ATP5F1B: variants seen among roughly 807,000 people sequenced by gnomAD.
ATP5F1B encodes ATP synthase F1 subunit beta.
A neutral mutation model predicts 45.9 loss-of-function variants in ATP5F1B; 17 were observed. The observed-to-expected ratio is 0.37, with a 90% CI of 0.25 to 0.56. The LOEUF is 0.56. Ranked by LOEUF, ATP5F1B falls within the 20% of genes least tolerant of loss-of-function variation. The pLI, the probability that ATP5F1B is intolerant of heterozygous loss-of-function variation, is 0.80. For synonymous variants in ATP5F1B, 218 were observed against 256.5 expected (o/e 0.85, Z 1.43); for missense variants, 387 against 673.2 (o/e 0.57, Z 4.70).
chr12:56,641,724 G>GT (rs1951513744), intron 7 of ATP5F1B, among the ~76,000 whole-genome samples: 1 of 151,728 alleles, frequency 6.6e-6, no homozygotes, highest in Admixed American at 6.6e-5. Flanking sequence ...CTAATTTTTT[G>GT]TATTTTTAGT....
At chr12:56,640,302 C>G (rs1951502576) in intron 7 of ATP5F1B, 110 bp from the exon 8 acceptor site, 1 of 873,644 alleles carries the variant, frequency 1.1e-6, no homozygotes, top group South Asian at 1.7e-5. Flanking sequence ...AATCTCGGCT[C>G]ACTGCAACCT....
intron 7 of ATP5F1B, among the ~76,000 whole-genome samples, chr12:56,640,964 G>T (rs1951507688): frequency 6.6e-6 from 1 of 151,486 alleles, no homozygotes; most frequent in Non-Finnish European, 1.5e-5. Context: ...CAGGTGAATC[G>T]CTTGAACCCA....
At chr12:56,645,713 C>T in intron 1 of ATP5F1B, 124 bp downstream of exon 1, 1 of 1,501,724 alleles carries the variant, frequency 6.7e-7, no homozygotes, top group Non-Finnish European at 9.1e-7. Context: ...CATTAGAGAG[C>T]AAGACGCGGC....
At position 56,645,497 on chromosome 12, in the gene ATP5F1B, G is replaced by GTTCCCTTATC. The variant is rs1298782230; in HGVS notation, c.128-145_128-144insGATAAGGGAA. On this transcript the variant is annotated intron_variant, in intron 1 of 9. Transcript: ENST00000262030. ...TACGGAACGCGTGTCCAAGAGGGAAGGCCGCGCAGCGATCGATAAAGCGCC... is the reference window on the plus strand; with the variant it reads ...TACGGAACGCGTGTCCAAGAGGGAAGTTCCCTTATCGCCGCGCAGCGATCGATAAAGCGCC... 55 of 1,030,452 alleles carry GTTCCCTTATC rather than the reference G, an allele frequency of 5.3e-5. No homozygotes were observed. In the African/African-American group the frequency reaches 7.6e-4, roughly 14 times the overall value. The allele number at this position is 1,030,452 out of a possible 1,614,324, so 63.8% of individuals were successfully genotyped here.
At chr12:56,645,683 T>A (rs757652537) in intron 1 of ATP5F1B, among the ~76,000 whole-genome samples, 154 bp downstream of exon 1, 3 of 152,202 alleles carry the variant, frequency 2.0e-5, no homozygotes, top group Non-Finnish European at 4.4e-5. Context: ...CCTATGGGTG[T>A]CCCATTCTTG....
At chr12:56,642,855 A>G (rs1407069009) in intron 5 of ATP5F1B, 24 bp from the exon 6 acceptor site, 3 of 1,613,166 alleles carry the variant, frequency 1.9e-6, no homozygotes, top group Non-Finnish European at 2.5e-6. Context: ...ACATAATCGT[A>G]AAACCTGACA....
intron 8 of ATP5F1B, 134 bp downstream of exon 8, chr12:56,639,846 T>C: frequency 1.2e-6 from 1 of 808,380 alleles, no homozygotes; most frequent in Non-Finnish European, 2.0e-6. Context: ...CCTCATTAGC[T>C]CTCACTAGCA....
chr12:56,644,722 G>C (rs1305640546), intron 3 of ATP5F1B, 59 bp downstream of exon 3: 1 of 1,537,214 alleles, frequency 6.5e-7, no homozygotes, highest in African/African-American at 1.4e-5. Flanking sequence ...TCACCTTAAT[G>C]TGTAAAACTG....
chr12:56,638,983 GGTAA>G (rs1030063966), intron 9 of ATP5F1B, 119 bp downstream of exon 9: 3 of 906,704 alleles, frequency 3.3e-6, no homozygotes, highest in South Asian at 1.8e-5. Flanking sequence ...AAAATCAATG[GGTAA>G]GTTTGTTTTT....
intron 5 of ATP5F1B, 144 bp downstream of exon 5, chr12:56,643,259 G>C (rs1176586640): frequency 1.5e-6 from 1 of 683,246 alleles, no homozygotes; most frequent in Non-Finnish European, 2.2e-6. Context: ...GGTTTCCTTT[G>C]TAGGCCCTGG....
intron 2 of ATP5F1B, 36 bp from the exon 3 acceptor site, chr12:56,644,991 G>A: frequency 1.2e-6 from 2 of 1,614,032 alleles, no homozygotes; most frequent in East Asian, 2.2e-5. Flanking sequence ...TATACATAAG[G>A]ATAAATTGGT....
Position 56,644,879 on chromosome 12 carries a change from A to G in ATP5F1B, c.387T>C (p.Gly129=), listed in dbSNP as rs1592224280. The change falls in exon 3 of 10, where the codon GGT becomes GGC. Residue 129 remains glycine, a synonymous_variant. Coordinates refer to ENST00000262030, the MANE Select transcript of ATP5F1B (RefSeq NM_001686.4). ...GACCAACAGGAATTTTGATTGGTGC[A>G]CCAGAATCCAGTACTTTCTGGCCTC... ...LVRGQKVLDS[G]APIKIPVGPE... 6.2e-7 allele frequency: 1 copy of G among 1,614,076 alleles called. No homozygotes were observed.
At chr12:56,638,458 A>T in intron 9 of ATP5F1B, 35 bp from the exon 10 acceptor site, 1 of 1,493,372 alleles carries the variant, frequency 6.7e-7, no homozygotes, top group Non-Finnish European at 9.3e-7. Flanking sequence ...AAAGAGTAAG[A>T]AGCGGAGGGA....
intron 5 of ATP5F1B, 63 bp downstream of exon 5, chr12:56,643,340 C>G: frequency 1.4e-6 from 2 of 1,393,710 alleles, no homozygotes; most frequent in South Asian, 2.9e-5. Context: ...TAGAACATGG[C>G]TTCAGTTGGC....
intron 7 of ATP5F1B, among the ~76,000 whole-genome samples, chr12:56,640,475 G>A (rs937081088): frequency 7.2e-5 from 11 of 151,968 alleles, no homozygotes; most frequent in Non-Finnish European, 1.3e-4. Flanking sequence ...TGATCCACCC[G>A]CCTTGGCCTC....
In ATP5F1B at chr12:56,643,502, A is replaced by C; in HGVS notation, c.693T>G (p.Ser231=). ...TCCTCTCACCAACACCAGCAAACACAGAGTAACCACCATGGGCTTTGGCGA... is the reference window on the plus strand; with the variant it reads ...TCCTCTCACCAACACCAGCAAACACCGAGTAACCACCATGGGCTTTGGCGA... ...NNVAKAHGGY[S]VFAGVGERTR... is the part of the protein sequence containing the mutation. Residue 231 remains serine, a synonymous_variant, in exon 5 of 10, where the codon TCT becomes TCG. Coordinates refer to ENST00000262030, the MANE Select transcript of ATP5F1B (RefSeq NM_001686.4). 1 of 1,614,194 alleles carries C rather than the reference A, an allele frequency of 6.2e-7. No individual in the cohort carries two copies. The highest frequency in any genetic ancestry group is 8.5e-7 in the Non-Finnish European group (1 of 1,180,034).
Position 56,645,323 on chromosome 12 carries a change from G to A in ATP5F1B, c.158C>T (p.Ser53Leu). 2 of 1,614,110 alleles carry A rather than the reference G, an allele frequency of 1.2e-6. No individual in the cohort carries two copies. The highest frequency in any genetic ancestry group is 8.5e-7 in the Non-Finnish European group (1 of 1,179,986). The change falls in exon 2 of 10, where the codon TCG becomes TTG. Residue 53 changes from serine (S) to leucine (L), a missense_variant. Around this residue, in one of 6 missense-constraint regions of ATP5F1B, gnomAD observed 113 missense variants for 168.0 expected, o/e 0.67. Coordinates refer to ENST00000262030, the MANE Select transcript of ATP5F1B (RefSeq NM_001686.4). Reference protein sequence around the residue: ...VRDYAAQTSPSPKAGAATGRI... With the variant: ...VRDYAAQTSPLPKAGAATGRI... ...CCCGGTGGCGGCGCCTGCTTTTGGC[G>A]AAGGAGATGTTTGCGCCGCATAGTC...
Position 56,640,168 on chromosome 12 carries a change from A to G in ATP5F1B, c.1099T>C (p.Leu367=), listed in dbSNP as rs764133649. The change falls in exon 8 of 10, where the codon TTG becomes CTG. Residue 367 remains leucine, a synonymous_variant. Coordinates refer to ENST00000262030, the MANE Select transcript of ATP5F1B (RefSeq NM_001686.4). ...VQAIYVPADD[L]TDPAPATTFA... ...GTAGTAGCAGGGGCAGGGTCAGTCAAGTCATCAGCAGGCACATAGATAGCC... is the reference window on the plus strand; with the variant it reads ...GTAGTAGCAGGGGCAGGGTCAGTCAGGTCATCAGCAGGCACATAGATAGCC... 3 of 1,613,934 alleles carry G rather than the reference A, an allele frequency of 1.9e-6. No homozygotes were observed. The highest frequency in any genetic ancestry group is 4.5e-5 in the East Asian group (2 of 44,896).
Position 56,645,960 on chromosome 12 carries a change from A to G in ATP5F1B, c.4T>C (p.Leu2=). Residue 2 remains leucine (L), a synonymous_variant, in exon 1 of 10, where the codon TTG becomes CTG. Coordinates refer to ENST00000262030, the MANE Select transcript of ATP5F1B (RefSeq NM_001686.4). ...GCGGCCACCCGACCCACAAACCCCAACATGGCGTAGTCCGGGTGGAGACTG... is the reference window on the plus strand; with the variant it reads ...GCGGCCACCCGACCCACAAACCCCAGCATGGCGTAGTCCGGGTGGAGACTG... M[L]GFVGRVAAAP... The G allele has an allele frequency of 6.2e-7, 1 of 1,602,316 alleles. No homozygotes were observed. Among genetic ancestry groups the G allele is most frequent in the Non-Finnish European group, 8.5e-7 (1 of 1,175,272 alleles).
Sources: gnomAD v4.1 joint callset for allele counts (sites outside exome capture counted in the v4.1 genomes callset) on GRCh38, gnomAD v4.1.1 for gene constraint, gnomAD v4.1.1 regional missense constraint, MANE v1.5 for transcripts, NCBI Gene and HGNC (gene_info 2026-07-23, HGNC 2026-07-21) for gene names.